The following CAPN13 variants were observed in gnomAD, a reference collection of about 807,000 sequenced individuals.
CAPN13 encodes the protein calpain-13.
A neutral mutation model predicts 98.4 loss-of-function variants in CAPN13; 90 were observed. That is an observed-to-expected ratio of 0.92 (90% CI 0.77 to 1.09). The LOEUF (loss-of-function observed/expected upper bound fraction) is 1.09. Among genes scored for constraint, CAPN13 ranks in the 50% least tolerant of loss-of-function variants. The pLI is 0.00. For synonymous variants in CAPN13, 330 were observed against 305.5 expected (o/e 1.08, Z -0.84); for missense variants, 887 against 841.3 (o/e 1.05, Z -0.67).
intron 5 of CAPN13, among the ~76,000 whole-genome samples, chr2:30,766,743 T>C (rs73922695): frequency 3.9e-5 from 6 of 152,164 alleles, no homozygotes; most frequent in Non-Finnish European, 8.8e-5. Flanking sequence ...TGAAATGCTG[T>C]AGAGATCCCA....
At chr2:30,726,346 T>C (rs1670856722) in intron 22 of CAPN13, among the ~76,000 whole-genome samples, 1 of 152,226 alleles carries the variant, frequency 6.6e-6, no homozygotes, top group Non-Finnish European at 1.5e-5. Flanking sequence ...TTGTCTGCTT[T>C]GTACACTTCT....
At chr2:30,799,699 G>A (rs1261192565) in intron 1 of CAPN13, among the ~76,000 whole-genome samples, 1 of 152,142 alleles carries the variant, frequency 6.6e-6, no homozygotes, top group Non-Finnish European at 1.5e-5. Context: ...CATCCTCTGA[G>A]ATAACCTCTG....
chr2:30,734,562 C>A (rs1671264482), intron 18 of CAPN13, 38 bp from the exon 19 acceptor site: 2 of 1,517,214 alleles, frequency 1.3e-6, no homozygotes, highest in African/African-American at 1.4e-5. Flanking sequence ...TGTGTGAAGA[C>A]TGGGAAGGTC....
chr2:30,775,878 T>C lies in CAPN13; in HGVS notation c.387+52A>G, dbSNP rs1462394363. On this transcript the variant is annotated intron_variant, in intron 4 of 22. Transcript: ENST00000295055. ...GAAAACTTAAGACTTTCACCTTCCC[T>C]GTACTCACAGAGAACCCCATCATAT... 1.9e-5 allele frequency: 26 copies of C among 1,358,922 alleles called. No individual in the cohort carries two copies. The South Asian group carries it at 3.5e-4, about 18-fold the overall frequency. The allele number at this position is 1,358,922 out of a possible 1,614,324, so 84.2% of individuals were successfully genotyped here. A position where few individuals can be genotyped will look rare whatever the true frequency, so the allele number is the denominator to read the frequency against.
At chr2:30,741,343 TCACTTTC>T (rs1671643482) in intron 15 of CAPN13, 2 of 972,714 alleles carry the variant, frequency 2.1e-6, no homozygotes, top group Admixed American at 6.1e-5. Flanking sequence ...ATCATCGGTA[TCACTTTC>T]CACTTTCCAC....
In CAPN13 at chr2:30,742,291, T is replaced by A. The variant is rs1249955480; in HGVS notation, c.1479+35A>T. ...GCTCTTGGGGATGGGATGGGGCCAA[T>A]GAGGCTCGCCAGCCAAACCTTGCTG... On this transcript the variant is annotated intron_variant, in intron 14 of 22. Transcript: ENST00000295055. 5.7e-6 allele frequency: 9 copies of A among 1,591,394 alleles called. No homozygotes were observed. In the Middle Eastern group the frequency reaches 1.0e-3, roughly 176 times the overall value.
intron 19 of CAPN13, among the ~76,000 whole-genome samples, chr2:30,732,778 C>T (rs925635364): frequency 6.6e-6 from 1 of 152,174 alleles, no homozygotes; most frequent in African/African-American, 2.4e-5. Context: ...CGTGAAGATG[C>T]TGAAGACCCT....
In CAPN13 at chr2:30,730,725, C is replaced by G. The variant is rs1425327135; in HGVS notation, c.*30+5G>C. On this transcript the variant is annotated splice_donor_5th_base_variant and intron_variant, in intron 22 of 22. Coordinates refer to ENST00000295055, the MANE Select transcript of CAPN13 (RefSeq NM_144575.3). ...GGGAAAGACTCCAAAGCTACCATGT[C>G]TTACCTGAGCCATGGGTCTGCTTTC... is the stretch of plus-strand genomic sequence containing the variant. 7.7e-6 allele frequency: 6 copies of G among 780,744 alleles called. No homozygotes were observed. In the Admixed American group the frequency reaches 8.5e-5, roughly 11 times the overall value. 48.4% of individuals were successfully genotyped at this position (780,744 alleles called of 1,614,324 possible). A position where few individuals can be genotyped will look rare whatever the true frequency, so the allele number is the denominator to read the frequency against.
At chr2:30,749,804 G>A (rs1175687365) in intron 11 of CAPN13, among the ~76,000 whole-genome samples, 3 of 152,170 alleles carry the variant, frequency 2.0e-5, no homozygotes, top group African/African-American at 7.2e-5. Context: ...GAAGCTGTGC[G>A]GTGTATGGTT....
At chr2:30,760,297 G>A (rs1672777169) in intron 7 of CAPN13, among the ~76,000 whole-genome samples, 1 of 152,182 alleles carries the variant, frequency 6.6e-6, no homozygotes, top group Non-Finnish European at 1.5e-5. Context: ...GTGTTAGCCA[G>A]GATGGATACG....
chr2:30,760,033 C>A lies in CAPN13; in HGVS notation c.775-1896G>T, dbSNP rs532559730. Among the ~76,000 whole-genome samples the A allele has an allele frequency of 4.6e-5, 7 of 152,308 alleles. No individual in the cohort carries two copies. In the East Asian group the frequency reaches 1.4e-3, roughly 29 times the overall value. On this transcript the variant is annotated intron_variant, in intron 7 of 22. Coordinates refer to ENST00000295055, the MANE Select transcript of CAPN13 (RefSeq NM_144575.3). Reference sequence around the variant, plus strand: ...AAGAGGCACGAACCCAGGTTTTCCACCCCTGTCTGCCCTACCCTAAGGCAC... The same window carrying A: ...AAGAGGCACGAACCCAGGTTTTCCAACCCTGTCTGCCCTACCCTAAGGCAC...
intron 9 of CAPN13, 39 bp from the exon 10 acceptor site, chr2:30,753,237 T>C (rs765406661): frequency 1.2e-6 from 2 of 1,609,846 alleles, no homozygotes; most frequent in East Asian, 2.2e-5. Context: ...TGACCAGGGG[T>C]TGTGTCCCCA....
At chr2:30,777,471 C>G (rs548737260) in intron 3 of CAPN13, 96 bp downstream of exon 3, 49 of 1,092,662 alleles carry the variant, frequency 4.5e-5, no homozygotes, top group Non-Finnish European at 4.6e-5. Flanking sequence ...AGGGAACTGG[C>G]CTTTCTCCCT....
chr2:30,732,484 G>T lies in CAPN13; in HGVS notation c.1881C>A (p.Ser627Arg). Residue 627 changes from serine (S) to arginine (R), a missense_variant, in exon 20 of 23, where the codon AGC (serine) becomes AGA (arginine). Transcript: ENST00000295055. Reference protein sequence around the residue: ...LRYSDSVGRVSFPSLVCFLMR... With the variant: ...LRYSDSVGRVRFPSLVCFLMR... ...TCAGGAAGCAGACCAGGCTGGGGAA[G>T]CTGACCCTGCCGACGCTGTCGCTGT... The T allele has an allele frequency of 6.2e-7, 1 of 1,613,388 alleles. No individual in the cohort carries two copies. The highest frequency in any genetic ancestry group is 8.5e-7 in the Non-Finnish European group (1 of 1,179,712).
Position 30,736,584 on chromosome 2 carries a change from T to A in CAPN13, c.1654-13A>T, listed in dbSNP as rs768099769. ...CATTCACTTTCAGCTGGGTAAGGAG[T>A]TAAGAGTGAACCAGCCAGCGTGCAA... On this transcript the variant is annotated splice_polypyrimidine_tract_variant and intron_variant, in intron 17 of 22. Transcript: ENST00000295055. The A allele has an allele frequency of 1.2e-6, 2 of 1,613,538 alleles. No homozygotes were observed. Among genetic ancestry groups the A allele is most frequent in the Non-Finnish European group, 1.7e-6 (2 of 1,179,798 alleles).
At chr2:30,741,322 G>A (rs1246942937) in intron 15 of CAPN13, 2 of 933,614 alleles carry the variant, frequency 2.1e-6, no homozygotes, top group Non-Finnish European at 2.6e-6. Context: ...CAAGGCGGCA[G>A]GGTAGAGATG....
At chr2:30,755,820 A>C (rs1384279154) in intron 8 of CAPN13, among the ~76,000 whole-genome samples, 1 of 152,196 alleles carries the variant, frequency 6.6e-6, no homozygotes, top group Non-Finnish European at 1.5e-5. Flanking sequence ...CATTTTCTGC[A>C]ATGTGTGAGG....
intron 11 of CAPN13, among the ~76,000 whole-genome samples, chr2:30,747,312 C>T (rs535418168): frequency 3.9e-4 from 59 of 152,184 alleles, no homozygotes; most frequent in African/African-American, 1.3e-3. Context: ...AGCTGGGAAT[C>T]GGGGAAGCTG....
chr2:30,804,819 G>A (rs977608610), intron 1 of CAPN13, among the ~76,000 whole-genome samples: 4 of 152,200 alleles, frequency 2.6e-5, no homozygotes, highest in Non-Finnish European at 2.9e-5. Context: ...CAAACCTTGA[G>A]GAGAGATGGA....
Sources: gnomAD v4.1 joint callset for allele counts (sites outside exome capture counted in the v4.1 genomes callset) on GRCh38, gnomAD v4.1.1 for gene constraint, MANE v1.5 for transcripts, NCBI Gene and HGNC (gene_info 2026-07-23, HGNC 2026-07-21) for gene names.